The following PRKCA variants were observed in gnomAD, a reference collection of about 807,000 sequenced individuals.
PRKCA encodes protein kinase C alpha type.
In PRKCA, 27 loss-of-function variants were observed where a neutral mutation model predicts 87.0. That is an observed-to-expected ratio of 0.31 (90% CI 0.23 to 0.43). PRKCA has a LOEUF of 0.43. Among genes scored for constraint, PRKCA ranks in the 20% least tolerant of loss-of-function variants. The pLI is 1.00. For synonymous variants in PRKCA, 329 were observed against 311.1 expected (o/e 1.06, Z -0.61); for missense variants, 518 against 852.3 (o/e 0.61, Z 4.88).
chr17:66,623,940 A>C (rs1970767032), intron 3 of PRKCA, among the ~76,000 whole-genome samples: 1 of 152,104 alleles, frequency 6.6e-6, no homozygotes. Context: ...GAAGAGGTGA[A>C]GAGAGGGGAG....
At chr17:66,338,722 A>C (rs1168433490) in intron 2 of PRKCA, among the ~76,000 whole-genome samples, 1 of 152,188 alleles carries the variant, frequency 6.6e-6, no homozygotes, top group Non-Finnish European at 1.5e-5. Flanking sequence ...GGATGAAAAA[A>C]AATATTTTGT....
chr17:66,794,349 C>T (rs1003151835), intron 16 of PRKCA, among the ~76,000 whole-genome samples: 4 of 152,246 alleles, frequency 2.6e-5, no homozygotes, highest in South Asian at 4.1e-4. Flanking sequence ...AACACACAAT[C>T]GGGGTTCCTT....
intron 2 of PRKCA, among the ~76,000 whole-genome samples, chr17:66,420,200 G>A (rs573500790): frequency 6.6e-6 from 1 of 151,840 alleles, no homozygotes; most frequent in Non-Finnish European, 1.5e-5. Flanking sequence ...TAGTAGAGAC[G>A]GAGTTTCACC....
At chr17:66,372,315 C>T (rs1909160436) in intron 2 of PRKCA, among the ~76,000 whole-genome samples, 1 of 152,200 alleles carries the variant, frequency 6.6e-6, no homozygotes, top group South Asian at 2.1e-4. Context: ...AAATCACCTA[C>T]AAGATGTGCA....
At chr17:66,604,061 C>T (rs535245571) in intron 3 of PRKCA, among the ~76,000 whole-genome samples, 1 of 152,318 alleles carries the variant, frequency 6.6e-6, no homozygotes, top group East Asian at 1.9e-4. Context: ...CCACTGAAGC[C>T]TTCCTCTCCA....
intron 1 of PRKCA, 40 bp downstream of exon 1, chr17:66,303,064 G>A: frequency 6.3e-7 from 1 of 1,580,642 alleles, no homozygotes; most frequent in African/African-American, 1.4e-5. Flanking sequence ...GCTCCTCCCC[G>A]CCTCCGGGTC....
chr17:66,722,213 G>A (rs942789812), intron 8 of PRKCA, among the ~76,000 whole-genome samples: 1 of 152,198 alleles, frequency 6.6e-6, no homozygotes, highest in African/African-American at 2.4e-5. Flanking sequence ...ATAGCAGAGT[G>A]TCTATGGTAT....
chr17:66,733,785 C>G (rs1973960855), intron 9 of PRKCA, among the ~76,000 whole-genome samples: 1 of 152,082 alleles, frequency 6.6e-6, no homozygotes, highest in African/African-American at 2.4e-5. Flanking sequence ...GAGGGAGACT[C>G]CGTCTCAAAA....
chr17:66,336,682 A>G (rs1906698636), intron 2 of PRKCA, among the ~76,000 whole-genome samples: 1 of 147,236 alleles, frequency 6.8e-6, no homozygotes, highest in East Asian at 1.9e-4. Context: ...ATTATTAAAC[A>G]TTTGCTATTC....
intron 2 of PRKCA, among the ~76,000 whole-genome samples, chr17:66,354,598 C>G (rs1236788859): frequency 6.6e-6 from 1 of 152,174 alleles, no homozygotes; most frequent in African/African-American, 2.4e-5. Context: ...GTTTTTTCCT[C>G]TGCAGGACAT....
rs746563816 is a variant in PRKCA, at chr17:66,454,051, C to T, written c.206-42150C>T. Among the ~76,000 whole-genome samples, 11 of 152,328 alleles carry T rather than the reference C, an allele frequency of 7.2e-5. 1 individual carries two copies. Among genetic ancestry groups the T allele is most frequent in the South Asian group, 2.1e-4 (1 of 4,830 alleles). ...TTTATGTCTGGCTTCTTTCTGAAAACAATTCCTCCTCATGCCCTAGTTTCA... is the reference window on the plus strand; with the variant it reads ...TTTATGTCTGGCTTCTTTCTGAAAATAATTCCTCCTCATGCCCTAGTTTCA... On this transcript the variant is annotated intron_variant, in intron 2 of 16. Transcript: ENST00000413366.
chr17:66,775,118 A>G, intron 14 of PRKCA: 1 of 985,276 alleles, frequency 1.0e-6, no homozygotes, highest in Non-Finnish European at 1.2e-6. Context: ...ACCCTACAAG[A>G]TGGTGGTGCT....
At chr17:66,772,137 T>C (rs1025339205) in intron 13 of PRKCA, among the ~76,000 whole-genome samples, 2 of 152,190 alleles carry the variant, frequency 1.3e-5, no homozygotes, top group Non-Finnish European at 2.9e-5. Context: ...CAAAATTTTG[T>C]CTGGGAACTG....
At chr17:66,572,048 A>G (rs988675528) in intron 3 of PRKCA, among the ~76,000 whole-genome samples, 1 of 152,194 alleles carries the variant, frequency 6.6e-6, no homozygotes, top group African/African-American at 2.4e-5. Context: ...TGGGATTCAG[A>G]GACTGTGGTG....
intron 8 of PRKCA, among the ~76,000 whole-genome samples, chr17:66,706,351 C>T (rs1436288385): frequency 6.6e-6 from 1 of 152,048 alleles, no homozygotes; most frequent in Non-Finnish European, 1.5e-5. Flanking sequence ...AGAATGGTTT[C>T]AAGGCTGGGT....
At chr17:66,460,388 AGG>A (rs60861757) in intron 2 of PRKCA, among the ~76,000 whole-genome samples, 9,680 of 152,208 alleles carry the variant, frequency 0.064, 1,019 homozygotes, top group African/African-American at 0.22. Context: ...CATTTGATAG[AGG>A]GGGGAAAAGG....
chr17:66,770,237 A>G (rs1235917994), intron 13 of PRKCA, among the ~76,000 whole-genome samples: 1 of 152,244 alleles, frequency 6.6e-6, no homozygotes, highest in Non-Finnish European at 1.5e-5. Context: ...ATTATTCATT[A>G]AACAAAGTTA....
intron 5 of PRKCA, among the ~76,000 whole-genome samples, chr17:66,686,047 G>A (rs1972618171): frequency 6.6e-6 from 1 of 152,106 alleles, no homozygotes. Context: ...TGACCAGTTG[G>A]GTATCTGATA....
At position 66,765,430 on chromosome 17, in the gene PRKCA, A is replaced by ATCTATATATCTATATATC. The variant is rs1568020939; in HGVS notation, c.1525-8556_1525-8555insCTATATATCTATATATCT. On this transcript the variant is annotated intron_variant, in intron 13 of 16. Transcript: ENST00000413366. ...AGCAAGACTTTGTCTATATATATAT[A>ATCTATATATCTATATATC]TATATATATATATATATATATATAT... Among the ~76,000 whole-genome samples the ATCTATATATCTATATATC allele has an allele frequency of 1.3e-4, 17 of 130,854 alleles. 1 individual carries two copies. In the East Asian group the frequency reaches 1.7e-3, roughly 13 times the overall value. 85.8% of individuals were successfully genotyped at this position (130,854 alleles called of 152,430 possible).
Sources: allele counts gnomAD v4.1 joint callset (sites outside exome capture counted in the v4.1 genomes callset), GRCh38; gene constraint gnomAD v4.1.1; transcripts MANE v1.5; gene names NCBI Gene and HGNC (gene_info 2026-07-23, HGNC 2026-07-21).